The following CAPS2 variants were observed in gnomAD, a reference collection of about 807,000 sequenced individuals.
CAPS2 encodes the protein calcyphosin-2.
In CAPS2, 98 loss-of-function variants were observed where a neutral mutation model predicts 86.5. The observed-to-expected ratio is 1.13, with a 90% confidence interval of 0.96 to 1.34. The LOEUF (loss-of-function observed/expected upper bound fraction) is 1.34, where lower values mean the gene tolerates loss of function less well. Ranked by LOEUF, CAPS2 falls within the 40% of genes most tolerant of loss-of-function variation. CAPS2 has a pLI of 0.00. For missense variants in CAPS2, 729 were observed against 686.8 expected, an observed-to-expected ratio of 1.06 and a Z score of -0.69; for synonymous variants, 210 against 225.1, an observed-to-expected ratio of 0.93 and a Z score of 0.60.
chr12:75,345,280 A>C (rs752895643), intron 1 of CAPS2, among the ~76,000 whole-genome samples: 6 of 152,010 alleles, frequency 3.9e-5, no homozygotes, highest in Non-Finnish European at 7.4e-5. Flanking sequence ...TTTTTCTGCA[A>C]ATCTCAGGGG....
chr12:75,349,371 C>T (rs191421913), intron 1 of CAPS2, among the ~76,000 whole-genome samples: 124 of 152,172 alleles, frequency 8.1e-4, no homozygotes, highest in African/African-American at 2.8e-3. Flanking sequence ...ACTTTAACAA[C>T]AACAACAGCA....
chr12:75,304,393 A>C (rs546797974), intron 8 of CAPS2, among the ~76,000 whole-genome samples: 1 of 152,348 alleles, frequency 6.6e-6, no homozygotes, highest in African/African-American at 2.4e-5. Context: ...GTAAAATGCA[A>C]AACAAATCTT....
At chr12:75,277,644 A>G in exon 17 of CAPS2, 1 of 984,702 alleles carries the variant, frequency 1.0e-6, no homozygotes, top group Non-Finnish European at 1.2e-6. Context: ...GCAACTTTGA[A>G]TTTGTTGGGT....
chr12:75,334,790 C>T, upstream of CAPS2: 1 of 1,614,082 alleles, frequency 6.2e-7, no homozygotes, highest in Non-Finnish European at 8.5e-7. Context: ...GTAGCCACTA[C>T]ATCTTCCAAA....
chr12:75,309,282 CA>C (rs910956766), intron 7 of CAPS2, among the ~76,000 whole-genome samples: 21 of 152,210 alleles, frequency 1.4e-4, no homozygotes, highest in Non-Finnish European at 8.8e-5. Context: ...TCCGCTCCCC[CA>C]CTCCAAGAGT....
chr12:75,318,049 G>A (rs1384623041), intron 5 of CAPS2: 2 of 151,892 alleles, frequency 1.3e-5, no homozygotes, highest in Non-Finnish European at 2.9e-5. Flanking sequence ...GCTTCTGTGG[G>A]TTCAACTATT....
chr12:75,390,431 T>G, intron 1 of CAPS2: 1 of 453,498 alleles, frequency 2.2e-6, no homozygotes, highest in Non-Finnish European at 4.4e-6. Context: ...AGTTTGGTGA[T>G]CCCTACTCTC....
chr12:75,286,623 A>G (rs901146177), intron 14 of CAPS2, among the ~76,000 whole-genome samples: 4 of 151,930 alleles, frequency 2.6e-5, no homozygotes, highest in African/African-American at 7.2e-5. Context: ...AACTCTATAT[A>G]AATTAGGCTT....
chr12:75,287,336 A>C (rs2035070429), intron 14 of CAPS2, among the ~76,000 whole-genome samples: 2 of 151,910 alleles, frequency 1.3e-5, no homozygotes, highest in South Asian at 4.2e-4. Flanking sequence ...CTGGCCATAA[A>C]ATATTCTCTG....
intron 1 of CAPS2, chr12:75,370,159 C>G (rs148521297): frequency 1.1e-4 from 176 of 1,561,632 alleles, no homozygotes; most frequent in Admixed American, 3.3e-5. Flanking sequence ...AGGTTTTCTT[C>G]TTCTGAGAAT....
chr12:75,329,770 G>C, upstream of CAPS2: 1 of 1,396,830 alleles, frequency 7.2e-7, no homozygotes, highest in Non-Finnish European at 9.7e-7. Flanking sequence ...GCAAAACAGG[G>C]TAATATCTCC....
intron 1 of CAPS2, chr12:75,344,018 G>A (rs1287796049): frequency 8.2e-7 from 1 of 1,217,194 alleles, no homozygotes; most frequent in Non-Finnish European, 1.1e-6. Flanking sequence ...TGTATGTAAA[G>A]TGCCTTTATT....
intron 7 of CAPS2, among the ~76,000 whole-genome samples, chr12:75,311,596 T>C (rs557010556): frequency 6.6e-6 from 1 of 151,064 alleles, no homozygotes; most frequent in South Asian, 2.1e-4. Context: ...AACTGAGCTG[T>C]TGGGCACACC....
At chr12:75,286,585 A>T (rs892590191) in intron 14 of CAPS2, among the ~76,000 whole-genome samples, 11 of 152,038 alleles carry the variant, frequency 7.2e-5, no homozygotes, top group South Asian at 4.1e-4. Context: ...AATTACATTT[A>T]AAAAAGCTGA....
intron 7 of CAPS2, chr12:75,306,102 C>G: frequency 7.4e-7 from 1 of 1,356,156 alleles, no homozygotes; most frequent in Non-Finnish European, 1.0e-6. Context: ...CTGGAAGAAG[C>G]ACTCCACCTT....
chr12:75,303,977 C>T (rs2038134028), intron 8 of CAPS2, among the ~76,000 whole-genome samples: 2 of 152,078 alleles, frequency 1.3e-5, no homozygotes, highest in Admixed American at 1.3e-4. Context: ...ATAGCTTCAC[C>T]CCCACTAAAA....
At chr12:75,389,379 G>A (rs576247477) in intron 1 of CAPS2, among the ~76,000 whole-genome samples, 5 of 152,264 alleles carry the variant, frequency 3.3e-5, no homozygotes, top group Middle Eastern at 3.4e-3. Context: ...GTCTAGCAGT[G>A]GAATGGGCTT....
chr12:75,304,919 G>A (rs762769547), intron 7 of CAPS2, 43 bp from the exon 8 acceptor site: 1 of 1,586,010 alleles, frequency 6.3e-7, no homozygotes, highest in Non-Finnish European at 8.6e-7. Flanking sequence ...ATATGATCAT[G>A]CATTACTTTA....
At chr12:75,382,374 T>C (rs916651555) in intron 1 of CAPS2, among the ~76,000 whole-genome samples, 6 of 152,194 alleles carry the variant, frequency 3.9e-5, no homozygotes, top group Non-Finnish European at 8.8e-5. Context: ...GCATGGTGGC[T>C]CACGCCTATA....
Sources: allele counts gnomAD v4.1 joint callset (sites outside exome capture counted in the v4.1 genomes callset), GRCh38; gene constraint gnomAD v4.1.1; transcripts MANE v1.5; gene names NCBI Gene and HGNC (gene_info 2026-07-23, HGNC 2026-07-21).